The following ACOT1 variants were observed in gnomAD, a reference collection of about 807,000 sequenced individuals.
ACOT1 encodes the protein acyl-CoA thioesterase 1.
In ACOT1, 8 loss-of-function variants were observed where a neutral mutation model predicts 15.7. The ratio of observed to expected loss-of-function variants is 0.51; its 90% CI spans 0.30 to 0.92. ACOT1 has a LOEUF of 0.92. Ranked by LOEUF, ACOT1 falls within the 40% of genes least tolerant of loss-of-function variation. The pLI, the probability that ACOT1 is intolerant of heterozygous loss-of-function variation, is 0.06. For synonymous variants in ACOT1, 67 were observed against 241.2 expected (o/e 0.28, Z 6.69); for missense variants, 151 against 539.4 (o/e 0.28, Z 7.13).
chr14:73,519,004 C>G, the ACOT1 span: 2 of 1,604,846 alleles, frequency 1.2e-6, no homozygotes, highest in Admixed American at 1.7e-5. Flanking sequence ...CCTGCCTTCC[C>G]TGTTAGCTTC....
chr14:73,492,699 A>T, the ACOT1 span: 1 of 1,613,944 alleles, frequency 6.2e-7, no homozygotes, highest in Non-Finnish European at 8.5e-7. The surrounding 1 kb of genome is among the most constrained non-coding windows in gnomAD (Gnocchi z 4.9). Context: ...CTGGTGGGTG[A>T]GGGGGGCCAT....
the ACOT1 span, among the ~76,000 whole-genome samples, chr14:73,513,464 AAAAG>A: frequency 7.4e-6 from 1 of 135,460 alleles, no homozygotes; most frequent in African/African-American, 3.0e-5. Context: ...CCATCTCAGA[AAAAG>A]AAAAAAGGGC....
upstream of ACOT1, among the ~76,000 whole-genome samples, chr14:73,534,263 C>T (rs963297438): frequency 3.6e-5 from 4 of 110,298 alleles, no homozygotes; most frequent in Admixed American, 1.0e-4. Flanking sequence ...ACTGTAATCC[C>T]AGCTACTCAA....
chr14:73,498,439 T>TATTG, the ACOT1 span: 2 of 1,055,492 alleles, frequency 1.9e-6, no homozygotes, highest in Non-Finnish European at 2.7e-6. Context: ...ATACCTTCCC[T>TATTG]TTTGGATGGT....
At chr14:73,491,484 C>A in the ACOT1 span, 2 of 1,498,990 alleles carry the variant, frequency 1.3e-6, no homozygotes, top group Admixed American at 2.2e-5. Flanking sequence ...CAACACTTAG[C>A]GGCCGTCCAG....
chr14:73,509,050 A>G, the ACOT1 span, among the ~76,000 whole-genome samples: 4 of 152,068 alleles, frequency 2.6e-5, no homozygotes, highest in Admixed American at 1.3e-4. Flanking sequence ...AATTTTTTAT[A>G]GAGATGGGGT....
chr14:73,493,068 TTATCACTGC>T, the ACOT1 span: 1 of 1,612,120 alleles, frequency 6.2e-7, no homozygotes, highest in Non-Finnish European at 8.5e-7. Flanking sequence ...ACATTTACCT[TTATCACTGC>T]TTCAGTGTCA....
At chr14:73,513,132 C>T in the ACOT1 span, among the ~76,000 whole-genome samples, 1 of 152,230 alleles carries the variant, frequency 6.6e-6, no homozygotes, top group Non-Finnish European at 1.5e-5. Context: ...TCCCTTCATA[C>T]ATCATTTGCT....
upstream of ACOT1, among the ~76,000 whole-genome samples, chr14:73,532,771 A>G (rs1382965614): frequency 1.1e-3 from 122 of 113,734 alleles, 25 homozygotes; most frequent in African/African-American, 2.7e-3. Context: ...TAGCTAACAC[A>G]GTAAAACCCC....
At chr14:73,506,802 C>CTTTTTTTTTTTTTTTTTTTT in the ACOT1 span, among the ~76,000 whole-genome samples, 75 of 57,904 alleles carry the variant, frequency 1.3e-3, no homozygotes, top group East Asian at 3.7e-3. Context: ...CTGACTTTAA[C>CTTTTTTTTTTTTTTTTTTTT]TGTTTTTTTT....
At position 73,537,724 on chromosome 14, in the gene ACOT1, C is replaced by T. The variant is rs764022956; in HGVS notation, c.303C>T (p.Pro101=). The change falls in exon 1 of 3, where the codon CCC becomes CCT. Residue 101 remains proline (P), a synonymous_variant. Coordinates refer to ENST00000311148, the MANE Select transcript of ACOT1 (RefSeq NM_001037161.2). Reference sequence around the variant, plus strand: ...TGGTGAAGCGCGACGTGCGAACGCCCTTGGCCGTGGAGCTGGAGGTGCTGG... The same window carrying T: ...TGGTGAAGCGCGACGTGCGAACGCCTTTGGCCGTGGAGCTGGAGGTGCTGG... ...VRLVKRDVRT[P]LAVELEVLDG... 80 of 1,246,024 alleles carry T rather than the reference C, an allele frequency of 6.4e-5. 19 individuals carry two copies. In the African/African-American group the frequency reaches 1.2e-3, roughly 18 times the overall value. The allele number at this position is 1,246,024 out of a possible 1,614,324, so 77.2% of individuals were successfully genotyped here.
the ACOT1 span, among the ~76,000 whole-genome samples, chr14:73,516,838 A>G: frequency 6.6e-6 from 1 of 152,196 alleles, no homozygotes; most frequent in Non-Finnish European, 1.5e-5. Context: ...CCTTTATGAT[A>G]ATCTAATGCC....
At chr14:73,503,147 G>T in the ACOT1 span, 2 of 697,134 alleles carry the variant, frequency 2.9e-6, no homozygotes, top group South Asian at 3.4e-5. Flanking sequence ...TTTTCCCATC[G>T]CTTACTCTCC....
At chr14:73,490,953 C>T in the ACOT1 span, 161 of 1,285,840 alleles carry the variant, frequency 1.3e-4, no homozygotes, top group Non-Finnish European at 1.6e-4. Context: ...GCAGCCGCTG[C>T]ATTCAGGAAC....
the ACOT1 span, among the ~76,000 whole-genome samples, chr14:73,526,914 C>T: frequency 6.6e-6 from 1 of 152,180 alleles, no homozygotes; most frequent in South Asian, 2.1e-4. Flanking sequence ...CACCCTTCCC[C>T]CCAACTCCAG....
chr14:73,529,008 G>C, the ACOT1 span: 1 of 152,150 alleles, frequency 6.6e-6, no homozygotes, highest in Non-Finnish European at 1.5e-5. Context: ...TAGCCCTCTA[G>C]AACCAAAAGC....
chr14:73,533,170 A>T (rs1888760966), upstream of ACOT1, among the ~76,000 whole-genome samples: 1 of 112,844 alleles, frequency 8.9e-6, no homozygotes, highest in South Asian at 2.8e-4. Flanking sequence ...CAAAAAATTA[A>T]ATATAGAATT....
chr14:73,532,824 T>C (rs572227677), upstream of ACOT1, among the ~76,000 whole-genome samples: 37 of 112,464 alleles, frequency 3.3e-4, 14 homozygotes, highest in East Asian at 0.021. Flanking sequence ...GGTGTGGTGG[T>C]GGGCACCTGT....
At chr14:73,512,042 C>G in the ACOT1 span, 2 of 1,614,078 alleles carry the variant, frequency 1.2e-6, no homozygotes, top group Non-Finnish European at 1.7e-6. Flanking sequence ...CGGGGCCGTT[C>G]CAAAGCAGCT....
Sources: allele counts gnomAD v4.1 joint callset (sites outside exome capture counted in the v4.1 genomes callset), GRCh38; gene constraint gnomAD v4.1.1; non-coding constraint Gnocchi (gnomAD v3.1); transcripts MANE v1.5; gene names NCBI Gene and HGNC (gene_info 2026-07-23, HGNC 2026-07-21).